KLB: variants seen among roughly 807,000 people sequenced by gnomAD.
The protein encoded by KLB is klotho beta.
KLB carries 44 observed loss-of-function variants against 88.4 expected under a neutral mutation model. The observed-to-expected ratio is 0.50, with a 90% CI of 0.39 to 0.64. The LOEUF (loss-of-function observed/expected upper bound fraction) is 0.64. KLB is among the 30% of genes least tolerant of loss of function. The probability of loss-of-function intolerance (pLI) is 0.00; values close to 1 mark genes in which losing one functional copy is unlikely to be tolerated. For synonymous variants in KLB, 548 were observed against 513.4 expected (o/e 1.07, Z -0.91); for missense variants, 1,137 against 1,304.8 (o/e 0.87, Z 1.98).
rs188485566 is a variant in KLB, at chr4:39,446,799, C to G, written c.2073C>G (p.Ile691Met). 2.5e-5 allele frequency: 40 copies of G among 1,612,406 alleles called. No individual in the cohort carries two copies. The highest frequency in any genetic ancestry group is 3.2e-5 in the Non-Finnish European group (38 of 1,179,496). The change falls in exon 4 of 5, where the codon ATC becomes ATG. Residue 691 changes from isoleucine to methionine, a missense_variant. Ile to Met is a conservative substitution (Grantham distance 10). Coordinates refer to ENST00000257408, the MANE Select transcript of KLB (RefSeq NM_175737.4). This position sits in a 1 kb window ranked among gnomAD's most constrained non-coding sequence, Gnocchi z 6.4. ...ACCTGGTGAAGCTCTGGATCACCAT[C>G]AACGAGCCTAACCGGCTAAGTGACA... Reference protein sequence around the residue: ...LGDLVKLWITINEPNRLSDIY... With the variant: ...LGDLVKLWITMNEPNRLSDIY...
chr4:39,437,681 G>A, intron 2 of KLB, 46 bp from the exon 3 acceptor site: 1 of 1,539,084 alleles, frequency 6.5e-7, no homozygotes, highest in Non-Finnish European at 8.8e-7. Context: ...ACATGAACTA[G>A]AATGTTTAGG....
At position 39,450,236 on chromosome 4, in the gene KLB, ATTCT is replaced by A. The variant is rs1410227956; in HGVS notation, c.*1557_*1560del. On this transcript the variant is annotated 3_prime_UTR_variant, in exon 5 of 5. Transcript: ENST00000257408. ...CTTAAATATGCACCTATTTATACCT[ATTCT>A]TTCTTTAGGTCAACATTTAACACCC... 1 of 152,190 alleles carries A rather than the reference ATTCT, an allele frequency of 6.6e-6. No individual in the cohort carries two copies. The highest frequency in any genetic ancestry group is 1.9e-4 in the East Asian group (1 of 5,200). 9.4% of individuals were successfully genotyped at this position (152,190 alleles called of 1,614,324 possible).
At chr4:39,445,525 T>TG (rs1270050803) in intron 3 of KLB, among the ~76,000 whole-genome samples, 1 of 133,312 alleles carries the variant, frequency 7.5e-6, no homozygotes, top group Non-Finnish European at 1.6e-5. Context: ...TTTTTTGAGA[T>TG]GGAGTTTTTG....
intron 1 of KLB, among the ~76,000 whole-genome samples, chr4:39,422,564 C>A (rs183254696): frequency 6.6e-6 from 1 of 152,040 alleles, no homozygotes; most frequent in African/African-American, 2.4e-5. Flanking sequence ...GAACAGTGTC[C>A]GGCACATTTG....
Position 39,448,619 on chromosome 4 carries a change from G to GA in KLB, c.3071dup (p.Phe1025ValfsTer20). On this transcript the variant is annotated frameshift_variant, in exon 5 of 5. Transcript: ENST00000257408. LOFTEE classifies it high-confidence loss of function. ...GCCATTTTTCAAAGGCAGAAGAGAAGAAAGTTTTGGAAAGCAAAAAACTTA... is the reference window on the plus strand; with the variant it reads ...GCCATTTTTCAAAGGCAGAAGAGAAGAAAAGTTTTGGAAAGCAAAAAACTTA... 1 of 1,613,726 alleles carries GA rather than the reference G, an allele frequency of 6.2e-7. No individual in the cohort carries two copies. The highest frequency in any genetic ancestry group is 8.5e-7 in the Non-Finnish European group (1 of 1,179,994).
intron 1 of KLB, among the ~76,000 whole-genome samples, chr4:39,415,475 TAGAG>T (rs1409454128): frequency 6.6e-6 from 1 of 152,000 alleles, no homozygotes; most frequent in African/African-American, 2.4e-5. Flanking sequence ...GCTTGGGTGA[TAGAG>T]GGAGACTGCA....
chr4:39,437,675 GA>G (rs1462188308), intron 2 of KLB, 51 bp from the exon 3 acceptor site: 6 of 1,531,072 alleles, frequency 3.9e-6, no homozygotes, highest in African/African-American at 1.4e-5. Flanking sequence ...TTGTAAACAT[GA>G]ACTAGAATGT....
chr4:39,406,938 A>C lies in KLB; in HGVS notation c.-12A>C. On this transcript the variant is annotated 5_prime_UTR_variant, in exon 1 of 5. Transcript: ENST00000257408. Reference sequence around the variant, plus strand: ...TGAAGCTTTGATAAGACAGTCCAGCAGTTGGTGGCAAATGAAGCCAGGCTG... The same window carrying C: ...TGAAGCTTTGATAAGACAGTCCAGCCGTTGGTGGCAAATGAAGCCAGGCTG... 1 of 1,591,860 alleles carries C rather than the reference A, an allele frequency of 6.3e-7. No homozygotes were observed. Among genetic ancestry groups the C allele is most frequent in the Non-Finnish European group, 8.6e-7 (1 of 1,164,698 alleles).
chr4:39,410,074 T>G (rs1012448498), intron 1 of KLB, among the ~76,000 whole-genome samples: 4 of 152,234 alleles, frequency 2.6e-5, no homozygotes, highest in African/African-American at 9.6e-5. Context: ...AAGTTTTCTA[T>G]GCAAATACAT....
intron 1 of KLB, among the ~76,000 whole-genome samples, chr4:39,417,121 TTGGTAAAGTCAGGTTTCA>T: frequency 6.6e-6 from 1 of 152,166 alleles, no homozygotes; most frequent in African/African-American, 2.4e-5. Context: ...TAAAACTCCC[TTGGTAAAGTCAGGTTTCA>T]GGAGAATAAC....
At chr4:39,436,458 C>T (rs1219311200) in intron 2 of KLB, among the ~76,000 whole-genome samples, 1 of 152,160 alleles carries the variant, frequency 6.6e-6, no homozygotes, top group Non-Finnish European at 1.5e-5. Flanking sequence ...TGTTACCATT[C>T]CACCTCTCCT....
Position 39,446,209 on chromosome 4 carries a change from G to C in KLB, c.1606-123G>C, listed in dbSNP as rs1021346546. 3.7e-6 allele frequency: 3 copies of C among 809,344 alleles called. No homozygotes were observed. Among genetic ancestry groups the C allele is most frequent in the African/African-American group, 1.7e-5 (1 of 57,862 alleles). 50.1% of individuals were successfully genotyped at this position (809,344 alleles called of 1,614,324 possible). ...TTCTGGTCTCCTTGGGAGATTTCAA[G>C]GGCTGGAATAGGCCTGGCGTGGTGG... On this transcript the variant is annotated intron_variant, in intron 3 of 4. Coordinates refer to ENST00000257408, the MANE Select transcript of KLB (RefSeq NM_175737.4). This position sits in a 1 kb window ranked among gnomAD's most constrained non-coding sequence, Gnocchi z 6.4.
Position 39,449,618 on chromosome 4 carries a change from T to C in KLB, c.*932T>C, listed in dbSNP as rs1481529555. 1.3e-5 allele frequency: 2 copies of C among 152,178 alleles called. No homozygotes were observed. Among genetic ancestry groups the C allele is most frequent in the Non-Finnish European group, 2.9e-5 (2 of 68,038 alleles). 9.4% of individuals were successfully genotyped at this position (152,178 alleles called of 1,614,324 possible). On this transcript the variant is annotated 3_prime_UTR_variant, in exon 5 of 5. Transcript: ENST00000257408. ...CTAATTTGTGATCTTTTACTAGATC[T>C]GATTTTTTAAAATAATGTAATTTCC...
chr4:39,410,359 G>T lies in KLB; in HGVS notation c.825+2585G>T, dbSNP rs530209017. 3.3e-5 allele frequency among the ~76,000 whole-genome samples: 5 copies of T among 152,244 alleles called. No individual in the cohort carries two copies. The South Asian group carries it at 1.0e-3, about 32-fold the overall frequency. The stretch of plus-strand genomic sequence containing the variant: ...AACACAAAATTAGCACTTTATGATC[G>T]TGAGATAAATTTTATTATTTTAAAT... On this transcript the variant is annotated intron_variant, in intron 1 of 4. Transcript: ENST00000257408.
In KLB at chr4:39,437,091, T is replaced by C. The variant is rs868244225; in HGVS notation, c.1337-636T>C. 5.3e-5 allele frequency among the ~76,000 whole-genome samples: 8 copies of C among 152,266 alleles called. No individual in the cohort carries two copies. The Middle Eastern group carries it at 0.024, about 453-fold the overall frequency. On this transcript the variant is annotated intron_variant, in intron 2 of 4. Coordinates refer to ENST00000257408, the MANE Select transcript of KLB (RefSeq NM_175737.4). ...TTAAAGCTAGAAAGGTCCTTAGAGA[T>C]CCTATTTTCCAATCTTTTTTGTTTA...
intron 1 of KLB, among the ~76,000 whole-genome samples, chr4:39,428,034 C>T (rs1370339714): frequency 6.6e-6 from 1 of 152,180 alleles, no homozygotes; most frequent in Non-Finnish European, 1.5e-5. Flanking sequence ...CATTTATCCC[C>T]TAATAGAGCT....
intron 1 of KLB, among the ~76,000 whole-genome samples, chr4:39,425,394 C>G (rs569328129): frequency 6.6e-6 from 1 of 152,270 alleles, no homozygotes; most frequent in South Asian, 2.1e-4. Context: ...CAGGAAAATT[C>G]TGAGACAATA....
chr4:39,414,633 G>GGAATA (rs1742927865), intron 1 of KLB, among the ~76,000 whole-genome samples: 1 of 151,844 alleles, frequency 6.6e-6, no homozygotes. Flanking sequence ...CACTTTGAGA[G>GGAATA]GCCAAGGTGG....
At chr4:39,430,231 A>G (rs1404739161) in intron 1 of KLB, among the ~76,000 whole-genome samples, 1 of 152,200 alleles carries the variant, frequency 6.6e-6, no homozygotes, top group African/African-American at 2.4e-5. Flanking sequence ...ACACGGGCTC[A>G]GTGCTTTCCA....
Sources: gnomAD v4.1 joint callset for allele counts (sites outside exome capture counted in the v4.1 genomes callset) on GRCh38, gnomAD v4.1.1 for gene constraint, Gnocchi (gnomAD v3.1) non-coding constraint, MANE v1.5 for transcripts, NCBI Gene and HGNC (gene_info 2026-07-23, HGNC 2026-07-21) for gene names.